The following PLCG2 variants were observed in gnomAD, a reference collection of about 807,000 sequenced individuals.
PLCG2 encodes phospholipase C gamma 2, also known as 1-phosphatidylinositol 4,5-bisphosphate phosphodiesterase gamma-2.
A neutral mutation model predicts 175.6 loss-of-function variants in PLCG2; 69 were observed. The ratio of observed to expected loss-of-function variants is 0.39; its 90% CI spans 0.32 to 0.48. The LOEUF (loss-of-function observed/expected upper bound fraction) is 0.48, where lower values mean the gene tolerates loss of function less well. Among genes scored for constraint, PLCG2 ranks in the 20% least tolerant of loss-of-function variants. The probability of loss-of-function intolerance (pLI) is 0.91; values close to 1 mark genes in which losing one functional copy is unlikely to be tolerated. For synonymous variants in PLCG2, 827 were observed against 624.0 expected (o/e 1.33, Z -4.85); for missense variants, 1,798 against 1,650.9 (o/e 1.09, Z -1.54).
intron 2 of PLCG2, among the ~76,000 whole-genome samples, chr16:81,825,609 C>G (rs1040733468): frequency 1.3e-5 from 2 of 152,278 alleles, no homozygotes; most frequent in East Asian, 1.9e-4. Context: ...ATGCTCTAAT[C>G]TTTTAGAGCA....
intron 26 of PLCG2, among the ~76,000 whole-genome samples, chr16:81,935,261 C>G (rs1597142903): frequency 6.6e-6 from 1 of 152,152 alleles, no homozygotes; most frequent in Non-Finnish European, 1.5e-5. Flanking sequence ...TCCTCTTCTG[C>G]TTCCCTATTA....
At chr16:81,921,747 G>T in intron 21 of PLCG2, 1 of 239,980 alleles carries the variant, frequency 4.2e-6, no homozygotes, top group Non-Finnish European at 8.2e-6. Context: ...AGTTTGAGCC[G>T]GCAGAGGAAG....
In PLCG2 at chr16:81,772,321, G is replaced by C. The variant is rs534866544; in HGVS notation, c.-47-13622G>C. Among the ~76,000 whole-genome samples, 3 of 152,192 alleles carry C rather than the reference G, an allele frequency of 2.0e-5. No individual in the cohort carries two copies. In the East Asian group the frequency reaches 5.8e-4, roughly 29 times the overall value. On this transcript the variant is annotated intron_variant, in intron 2 of 5. Transcript: ENST00000565054. Reference sequence around the variant, plus strand: ...GAACCCGGGAGAAAGGCGTGGGGCAGATTCTCACCTAGGGCCTAAGGAGGG... The same window carrying C: ...GAACCCGGGAGAAAGGCGTGGGGCACATTCTCACCTAGGGCCTAAGGAGGG...
chr16:81,956,263 T>C (rs999947601), intron 31 of PLCG2, among the ~76,000 whole-genome samples: 1 of 152,208 alleles, frequency 6.6e-6, no homozygotes, highest in Non-Finnish European at 1.5e-5. Flanking sequence ...TTTTAAATTA[T>C]CTGCCTCCTG....
chr16:81,763,487 G>C (rs1051826690), intron 2 of PLCG2, among the ~76,000 whole-genome samples: 4 of 152,216 alleles, frequency 2.6e-5, no homozygotes, highest in African/African-American at 9.7e-5. Flanking sequence ...CTGTGCCTGG[G>C]CTGGGAAGAT....
In PLCG2 at chr16:81,803,279, T is replaced by C. The variant is rs539234860; in HGVS notation, c.193+17097T>C. On this transcript the variant is annotated intron_variant, in intron 2 of 32. Coordinates refer to ENST00000564138, the MANE Select transcript of PLCG2 (RefSeq NM_002661.5). ...GACTACAGGTGCCCACCACCACGCC[T>C]GTCTAATTTTTTTTGTATTTTTAGT... Among the ~76,000 whole-genome samples, 11 of 152,092 alleles carry C rather than the reference T, an allele frequency of 7.2e-5. No individual in the cohort carries two copies. In the South Asian group the frequency reaches 1.0e-3, roughly 14 times the overall value.
chr16:81,825,694 A>G (rs1267231272), intron 2 of PLCG2, among the ~76,000 whole-genome samples: 3 of 152,208 alleles, frequency 2.0e-5, no homozygotes, highest in African/African-American at 7.2e-5. Context: ...CAACTTTTGC[A>G]CTCATCTAAT....
At chr16:81,788,135 C>G (rs762626356) in intron 2 of PLCG2, among the ~76,000 whole-genome samples, 4 of 152,178 alleles carry the variant, frequency 2.6e-5, no homozygotes, top group Non-Finnish European at 2.9e-5. Flanking sequence ...ATTTTAGGAA[C>G]TGTCAGACTG....
chr16:81,961,668 TA>T lies in PLCG2; in HGVS notation c.*3677del, dbSNP rs1184746274. ...GCCTTGTTCCAGGTAAGACTGATCATAAAAAAATGGCCCTGTTCATAAAATT... is the reference window on the plus strand; with the variant it reads ...GCCTTGTTCCAGGTAAGACTGATCATAAAAAATGGCCCTGTTCATAAAATT... On this transcript the variant is annotated 3_prime_UTR_variant, in exon 33 of 33. Transcript: ENST00000564138. The T allele has an allele frequency of 4.7e-6, 1 of 212,986 alleles. No individual in the cohort carries two copies. The highest frequency in any genetic ancestry group is 9.5e-6 in the Non-Finnish European group (1 of 105,408). The allele number at this position is 212,986 out of a possible 1,614,324, so 13.2% of individuals were successfully genotyped here.
At chr16:81,797,616 C>G (rs941503994) in intron 2 of PLCG2, among the ~76,000 whole-genome samples, 85 of 152,358 alleles carry the variant, frequency 5.6e-4, no homozygotes, top group African/African-American at 1.9e-3. Context: ...ACCTGGTTAA[C>G]AGATGAATCA....
intron 31 of PLCG2, among the ~76,000 whole-genome samples, chr16:81,955,087 C>T (rs1196036479): frequency 6.6e-6 from 1 of 152,174 alleles, no homozygotes; most frequent in Non-Finnish European, 1.5e-5. Context: ...CTTCCCAATG[C>T]CTCACTTGAT....
chr16:81,782,288 A>G (rs1332609800), intron 1 of PLCG2, among the ~76,000 whole-genome samples: 1 of 151,570 alleles, frequency 6.6e-6, no homozygotes, highest in South Asian at 2.1e-4. Context: ...AAAATCAGTT[A>G]TTCAAACTCA....
At chr16:81,889,904 C>G (rs535024235) in intron 10 of PLCG2, among the ~76,000 whole-genome samples, 1 of 152,288 alleles carries the variant, frequency 6.6e-6, no homozygotes, top group South Asian at 2.1e-4. Context: ...ATCAGCCCGC[C>G]TCAGCTTCCC....
At chr16:81,809,890 C>T (rs1904302709) in intron 2 of PLCG2, among the ~76,000 whole-genome samples, 2 of 151,990 alleles carry the variant, frequency 1.3e-5, no homozygotes. Flanking sequence ...GAACGTGTGG[C>T]TGAGATGCAT....
chr16:81,783,132 T>C (rs767106233), intron 1 of PLCG2: 2 of 492,376 alleles, frequency 4.1e-6, no homozygotes, highest in South Asian at 3.0e-5. Context: ...TTCTGTCTAA[T>C]TGAAGGTGTT....
chr16:81,751,332 A>G (rs1404120153), intron 1 of PLCG2, among the ~76,000 whole-genome samples: 2 of 152,192 alleles, frequency 1.3e-5, no homozygotes, highest in Admixed American at 6.6e-5. Flanking sequence ...GACAACATGG[A>G]TAAAGATGGA....
At chr16:81,817,431 TTTG>T (rs1433338808) in intron 2 of PLCG2, among the ~76,000 whole-genome samples, 3 of 152,216 alleles carry the variant, frequency 2.0e-5, no homozygotes, top group Non-Finnish European at 4.4e-5. Context: ...GAGTTTCGCT[TTTG>T]TTGCGCACGC....
intron 11 of PLCG2, among the ~76,000 whole-genome samples, chr16:81,892,509 A>C (rs1296951335): frequency 1.3e-5 from 2 of 151,424 alleles, no homozygotes; most frequent in Non-Finnish European, 3.0e-5. Context: ...GTTATGCTCC[A>C]GGCATTTGGG....
intron 30 of PLCG2, among the ~76,000 whole-genome samples, chr16:81,945,764 C>G (rs999923459): frequency 6.6e-6 from 1 of 152,124 alleles, no homozygotes; most frequent in Non-Finnish European, 1.5e-5. Context: ...AAAGATAAAA[C>G]ACACTCCCTG....
Sources: allele counts gnomAD v4.1 joint callset (sites outside exome capture counted in the v4.1 genomes callset), GRCh38; gene constraint gnomAD v4.1.1; transcripts MANE v1.5; gene names NCBI Gene and HGNC (gene_info 2026-07-23, HGNC 2026-07-21).